The following MED1 variants were observed in gnomAD, a reference collection of about 807,000 sequenced individuals.
MED1 encodes mediator of RNA polymerase II transcription subunit 1.
In MED1, 17 loss-of-function variants were observed where a neutral mutation model predicts 121.3. The ratio of observed to expected loss-of-function variants is 0.14; its 90% CI spans 0.10 to 0.21. The LOEUF (loss-of-function observed/expected upper bound fraction) is 0.21. MED1 is among the 10% of genes least tolerant of loss of function. The pLI is 1.00. For missense variants in MED1, 1,558 were observed against 1,919.4 expected (o/e 0.81, Z 3.52); for synonymous variants, 661 against 694.4 (o/e 0.95, Z 0.76).
intron 10 of MED1, among the ~76,000 whole-genome samples, chr17:39,426,944 A>T (rs2048520627): frequency 6.8e-6 from 1 of 147,232 alleles, no homozygotes; most frequent in Admixed American, 6.8e-5. Flanking sequence ...GTAACTCACT[A>T]CGTTGCCCAG....
Position 39,440,431 on chromosome 17 carries a change from T to A in MED1, c.354A>T (p.Gly118=). ...FYVEVQLDPA[G]QLCDVKVAHH... ...GAGCCACTTTTACATCACAAAGCTGTCCTGCAGGATCTAACTGCACTTCCA... is the reference window on the plus strand; with the variant it reads ...GAGCCACTTTTACATCACAAAGCTGACCTGCAGGATCTAACTGCACTTCCA... The change falls in exon 5 of 17, where the codon GGA becomes GGT. Residue 118 remains glycine, a synonymous_variant. Coordinates refer to ENST00000300651, the MANE Select transcript of MED1 (RefSeq NM_004774.4). This position sits in a 1 kb window ranked among gnomAD's most constrained non-coding sequence, Gnocchi z 4.1. The A allele has an allele frequency of 6.3e-7, 1 of 1,591,918 alleles. No homozygotes were observed. The highest frequency in any genetic ancestry group is 8.5e-7 in the Non-Finnish European group (1 of 1,174,710).
rs2048669260 is a variant in MED1 at position 39,440,958 on chromosome 17, T to A, written c.212-281A>T. Among the ~76,000 whole-genome samples, 1 of 152,114 alleles carries A rather than the reference T, an allele frequency of 6.6e-6. No individual in the cohort carries two copies. Among genetic ancestry groups the A allele is most frequent in the Non-Finnish European group, 1.5e-5 (1 of 68,022 alleles). On this transcript the variant is annotated intron_variant, in intron 3 of 16. Coordinates refer to ENST00000300651, the MANE Select transcript of MED1 (RefSeq NM_004774.4). This position sits in a 1 kb window ranked among gnomAD's most constrained non-coding sequence, Gnocchi z 4.1. Reference sequence around the variant, plus strand: ...CTGCCTTTAACTTAAGACACATTTATCTGCTAATGATAGAATAAGGAAGAT... The same window carrying A: ...CTGCCTTTAACTTAAGACACATTTAACTGCTAATGATAGAATAAGGAAGAT...
chr17:39,438,245 C>A (rs1188674107), intron 6 of MED1, among the ~76,000 whole-genome samples: 2 of 149,578 alleles, frequency 1.3e-5, no homozygotes, highest in Non-Finnish European at 3.0e-5. Context: ...GATCTCAGCA[C>A]ACTACAACCT....
chr17:39,427,618 T>A, intron 10 of MED1, 83 bp downstream of exon 10: 1 of 975,378 alleles, frequency 1.0e-6, no homozygotes. Flanking sequence ...GTCAACAAAC[T>A]CATTAGAGAA....
intron 3 of MED1, among the ~76,000 whole-genome samples, chr17:39,441,491 G>T (rs901963170): frequency 6.6e-6 from 1 of 152,286 alleles, no homozygotes; most frequent in Admixed American, 6.5e-5. Context: ...AGAAAAAAAG[G>T]CCTCGTGCGG....
Position 39,409,469 on chromosome 17 carries a change from T to C in MED1, c.2752A>G (p.Thr918Ala), listed in dbSNP as rs1212674009. Reference sequence around the variant, plus strand: ...GCTTGGTTATTGCCCTTAAACTTGGTCTCCCCATTATCACCTCCAAGCATT... The same window carrying C: ...GCTTGGTTATTGCCCTTAAACTTGGCCTCCCCATTATCACCTCCAAGCATT... ...VPMLGGDNGE[T>A]KFKGNNQADT... The change falls in exon 17 of 17, where the codon ACC becomes GCC. Residue 918 changes from threonine to alanine, a missense_variant. Coordinates refer to ENST00000300651, the MANE Select transcript of MED1 (RefSeq NM_004774.4). 1.2e-6 allele frequency: 2 copies of C among 1,613,976 alleles called. No homozygotes were observed. Among genetic ancestry groups the C allele is most frequent in the Admixed American group, 3.3e-5 (2 of 59,984 alleles).
chr17:39,439,283 G>T, intron 5 of MED1, 90 bp from the exon 6 acceptor site: 1 of 975,942 alleles, frequency 1.0e-6, no homozygotes, highest in Non-Finnish European at 1.5e-6. Flanking sequence ...TATAGCACAT[G>T]TTTTACAACA....
intron 14 of MED1, among the ~76,000 whole-genome samples, chr17:39,418,104 A>AAAT (rs2048427345): frequency 6.6e-6 from 1 of 151,310 alleles, no homozygotes; most frequent in Non-Finnish European, 1.5e-5. Context: ...AAAAAAAAAA[A>AAAT]AAAAAATTCA....
chr17:39,423,892 T>A, intron 11 of MED1, 71 bp from the exon 12 acceptor site: 1 of 1,496,064 alleles, frequency 6.7e-7, no homozygotes, highest in Non-Finnish European at 8.9e-7. Context: ...AACACCTTTT[T>A]TTTTTTTGAG....
chr17:39,408,783 T>G lies in MED1; in HGVS notation c.3438A>C (p.Ser1146=), dbSNP rs1264904366. The G allele has an allele frequency of 1.1e-5, 18 of 1,614,074 alleles. No homozygotes were observed. Among genetic ancestry groups the G allele is most frequent in the Non-Finnish European group, 1.4e-5 (17 of 1,179,968 alleles). ...AGCCTGGCTTCCCCCCAGACTGGGA[T>G]GAATTTTTGGACTGGCTAGATCCAG... ...GSSGSSQSKN[S]SQSGGKPGSS... Residue 1146 remains serine (S), a synonymous_variant, in exon 17 of 17, where the codon TCA becomes TCC. Coordinates refer to ENST00000300651, the MANE Select transcript of MED1 (RefSeq NM_004774.4). The surrounding 1 kb of genome is among the most constrained non-coding windows in gnomAD (Gnocchi z 4.7).
intron 16 of MED1, among the ~76,000 whole-genome samples, chr17:39,414,288 A>T: frequency 6.6e-6 from 1 of 152,146 alleles, no homozygotes; most frequent in Non-Finnish European, 1.5e-5. Flanking sequence ...AATCAAAGCA[A>T]TAACTAAATT....
In MED1 at chr17:39,450,913, C is replaced by T. The variant is rs964878668; in HGVS notation, c.25+125G>A. ...GTATAGTGACAATCTAAAACTAATA[C>T]ACATTCCCTCTCCTGGACTCTATGC... On this transcript the variant is annotated intron_variant, in intron 1 of 16. Coordinates refer to ENST00000300651, the MANE Select transcript of MED1 (RefSeq NM_004774.4). 44 of 754,074 alleles carry T rather than the reference C, an allele frequency of 5.8e-5. No individual in the cohort carries two copies. In the Admixed American group the frequency reaches 1.1e-3, roughly 19 times the overall value. 46.7% of individuals were successfully genotyped at this position (754,074 alleles called of 1,614,324 possible).
chr17:39,422,391 C>T lies in MED1; in HGVS notation c.1095+936G>A, dbSNP rs145846191. Among the ~76,000 whole-genome samples, 1,371 of 148,438 alleles carry T rather than the reference C, an allele frequency of 9.2e-3. 18 individuals carry two copies. The highest frequency in any genetic ancestry group is 0.032 in the African/African-American group (1,299 of 40,308). On this transcript the variant is annotated intron_variant, in intron 13 of 16. Coordinates refer to ENST00000300651, the MANE Select transcript of MED1 (RefSeq NM_004774.4). ...CTGTTGGCCAGGATGCTCTCGATCT[C>T]TTGACCTCGTGATCCACCTGCCTCG...
intron 13 of MED1, 68 bp downstream of exon 13, chr17:39,423,259 A>T (rs1597861303): frequency 8.6e-7 from 1 of 1,158,730 alleles, no homozygotes; most frequent in East Asian, 2.3e-5. Context: ...ATAATGCTAT[A>T]AAGGAAGATT....
intron 7 of MED1, among the ~76,000 whole-genome samples, chr17:39,433,238 G>A (rs561184216): frequency 1.3e-4 from 20 of 151,608 alleles, no homozygotes; most frequent in African/African-American, 3.9e-4. Flanking sequence ...GCGTGGTGGC[G>A]CATAGCCGTA....
At position 39,406,970 on chromosome 17, in the gene MED1, A is replaced by G; in HGVS notation, c.*505T>C. On this transcript the variant is annotated 3_prime_UTR_variant, in exon 17 of 17. Coordinates refer to ENST00000300651, the MANE Select transcript of MED1 (RefSeq NM_004774.4). ...CATTACTTAAGTGTCCAAAATGACC[A>G]AAGTCCTTCATTTGCCCATGACTCA... 1.0e-5 allele frequency: 10 copies of G among 986,564 alleles called. 1 individual carries two copies. Among genetic ancestry groups the G allele is most frequent in the Non-Finnish European group, 1.1e-5 (9 of 830,352 alleles). The allele number at this position is 986,564 out of a possible 1,614,324, so 61.1% of individuals were successfully genotyped here.
intron 7 of MED1, among the ~76,000 whole-genome samples, chr17:39,432,949 T>C (rs2048580917): frequency 1.3e-5 from 2 of 152,090 alleles, no homozygotes; most frequent in South Asian, 4.1e-4. Context: ...GTCTCACGCC[T>C]ATAATCCAAG....
intron 7 of MED1, among the ~76,000 whole-genome samples, chr17:39,432,974 A>G (rs1460071960): frequency 6.6e-6 from 1 of 152,062 alleles, no homozygotes; most frequent in Non-Finnish European, 1.5e-5. Context: ...CTGGGAGGCC[A>G]TGGCGGGTGG....
At chr17:39,445,512 A>T (rs2048718175) in intron 2 of MED1, 1 of 151,636 alleles carries the variant, frequency 6.6e-6, no homozygotes, top group Admixed American at 6.6e-5. Flanking sequence ...ACGCCCAGCC[A>T]TGAAAACTCT....
Sources: allele counts gnomAD v4.1 joint callset (sites outside exome capture counted in the v4.1 genomes callset), GRCh38; gene constraint gnomAD v4.1.1; non-coding constraint Gnocchi (gnomAD v3.1); transcripts MANE v1.5; gene names NCBI Gene and HGNC (gene_info 2026-07-23, HGNC 2026-07-21).